Variants in SAG observed in about 807,000 individuals in gnomAD.
The protein encoded by SAG is S-antigen visual arrestin.
A neutral mutation model predicts 55.0 loss-of-function variants in SAG; 45 were observed. The observed-to-expected ratio is 0.82, with a 90% CI of 0.64 to 1.05. The LOEUF (loss-of-function observed/expected upper bound fraction) is 1.05, where lower values mean the gene tolerates loss of function less well. SAG is among the 50% of genes least tolerant of loss of function. The probability of loss-of-function intolerance (pLI) is 0.00; values close to 1 mark genes in which losing one functional copy is unlikely to be tolerated. For synonymous variants in SAG, 189 were observed against 197.4 expected, an observed-to-expected ratio of 0.96 and a Z score of 0.36; for missense variants, 455 against 512.1, an observed-to-expected ratio of 0.89 and a Z score of 1.08.
chr2:233,329,470 G>T, intron 8 of SAG, 23 bp from the exon 9 acceptor site: 1 of 1,487,052 alleles, frequency 6.7e-7, no homozygotes, highest in South Asian at 1.1e-5. Context: ...CTCTTCTTCT[G>T]ACCTATCTGC....
At chr2:233,323,495 C>A (rs781103731) in intron 6 of SAG, among the ~76,000 whole-genome samples, 4 of 151,976 alleles carry the variant, frequency 2.6e-5, no homozygotes, top group Non-Finnish European at 5.9e-5. Context: ...TCCCGAGTAG[C>A]TGGGATTACA....
In SAG at chr2:233,340,771, T is replaced by G. The variant is rs74640936; in HGVS notation, c.1046+293T>G. Among the ~76,000 whole-genome samples, 11 of 143,490 alleles carry G rather than the reference T, an allele frequency of 7.7e-5. No homozygotes were observed. The highest frequency in any genetic ancestry group is 1.5e-4 in the Non-Finnish European group (10 of 65,806). 94.1% of individuals were successfully genotyped at this position (143,490 alleles called of 152,430 possible). Reference sequence around the variant, plus strand: ...CCAGCTTGTGTGTGTGTGTGTGTGTTTGTGTGCGGTAAAATACACATAACA... The same window carrying G: ...CCAGCTTGTGTGTGTGTGTGTGTGTGTGTGTGCGGTAAAATACACATAACA... On this transcript the variant is annotated intron_variant, in intron 13 of 15. Transcript: ENST00000409110. This position sits in a 1 kb window ranked among gnomAD's most constrained non-coding sequence, Gnocchi z 4.2.
Position 233,319,259 on chromosome 2 carries a change from C to A in SAG, c.181+464C>A, listed in dbSNP as rs1307670812. ...TGGGGCTGACAGGCAAAATTCTCAA[C>A]CAACACCAAAAAGGGGGAAATGATG... On this transcript the variant is annotated intron_variant, in intron 4 of 15. Coordinates refer to ENST00000409110, the MANE Select transcript of SAG (RefSeq NM_000541.5). The surrounding 1 kb of genome is among the most constrained non-coding windows in gnomAD (Gnocchi z 4.4). Among the ~76,000 whole-genome samples the A allele has an allele frequency of 2.4e-4, 34 of 144,466 alleles. No individual in the cohort carries two copies. The Admixed American group carries it at 2.4e-3, about 10-fold the overall frequency. 94.8% of individuals were successfully genotyped at this position (144,466 alleles called of 152,430 possible). A position where few individuals can be genotyped will look rare whatever the true frequency, so the allele number is the denominator to read the frequency against.
chr2:233,341,472 G>A (rs1701100934), intron 13 of SAG, among the ~76,000 whole-genome samples: 1 of 152,224 alleles, frequency 6.6e-6, no homozygotes, highest in South Asian at 2.1e-4. Flanking sequence ...TAAACAAAAT[G>A]TGGTATATCC....
rs5839476 is a variant in SAG, at chr2:233,315,281, C to CTT, written c.76-766_76-765dup. Among the ~76,000 whole-genome samples the CTT allele has an allele frequency of 6.1e-3, 423 of 69,384 alleles. 59 individuals are homozygous for CTT. The highest frequency in any genetic ancestry group is 0.014 in the African/African-American group (314 of 21,748). 45.5% of individuals were successfully genotyped at this position (69,384 alleles called of 152,430 possible). On this transcript the variant is annotated intron_variant, in intron 2 of 15. Transcript: ENST00000409110. Reference sequence around the variant, plus strand: ...CACCTCTTTGCGTTGTCCAGAAGTTCTTTTTTTTTTTTTTTTTTTTTTTTT... The same window carrying CTT: ...CACCTCTTTGCGTTGTCCAGAAGTTCTTTTTTTTTTTTTTTTTTTTTTTTTTT...
At position 233,319,826 on chromosome 2, in the gene SAG, G is replaced by T. The variant is rs1700325868; in HGVS notation, c.182-804G>T. The T allele has an allele frequency of 1.0e-6, 1 of 985,640 alleles. No individual in the cohort carries two copies. The highest frequency in any genetic ancestry group is 1.7e-5 in the African/African-American group (1 of 57,232). 61.1% of individuals were successfully genotyped at this position (985,640 alleles called of 1,614,324 possible). On this transcript the variant is annotated intron_variant, in intron 4 of 15. Transcript: ENST00000409110. This position sits in a 1 kb window ranked among gnomAD's most constrained non-coding sequence, Gnocchi z 4.4. ...AGCTTGAATGAGGGGCGAGTGAGTGGCCACTGTTTCTTCTGAGTCAGCAGC... is the reference window on the plus strand; with the variant it reads ...AGCTTGAATGAGGGGCGAGTGAGTGTCCACTGTTTCTTCTGAGTCAGCAGC...
At chr2:233,342,667 A>C (rs1701138319) in intron 14 of SAG, 3 of 242,410 alleles carry the variant, frequency 1.2e-5, no homozygotes, top group Non-Finnish European at 2.4e-5. Flanking sequence ...TTAGGTAAAA[A>C]CTTAATTTTA....
chr2:233,312,520 C>G (rs919523744), intron 2 of SAG, among the ~76,000 whole-genome samples: 3 of 152,202 alleles, frequency 2.0e-5, no homozygotes, highest in Non-Finnish European at 4.4e-5. Flanking sequence ...TTAATTCTTC[C>G]AAAAGCTATT....
rs760348201 is a variant in SAG at position 233,340,405 on chromosome 2, C to T, written c.1023-50C>T. The T allele has an allele frequency of 2.2e-5, 35 of 1,567,026 alleles. No individual in the cohort carries two copies. In the East Asian group the frequency reaches 5.0e-4, roughly 22 times the overall value. ...CTGCCTCTGAATCATGGGAAAGGGT[C>T]GTGTTACCACTGTGACAGTTAACGA... On this transcript the variant is annotated intron_variant, in intron 12 of 15. Coordinates refer to ENST00000409110, the MANE Select transcript of SAG (RefSeq NM_000541.5). The surrounding 1 kb of genome is among the most constrained non-coding windows in gnomAD (Gnocchi z 4.2).
At chr2:233,324,878 T>C (rs1700500757) in intron 6 of SAG, among the ~76,000 whole-genome samples, 1 of 152,028 alleles carries the variant, frequency 6.6e-6, no homozygotes, top group Non-Finnish European at 1.5e-5. Flanking sequence ...CCGTTAGTGG[T>C]TCGTGAAATC....
intron 1 of SAG, 126 bp from the exon 2 acceptor site, chr2:233,309,036 G>A (rs191558673): frequency 1.2e-5 from 7 of 586,876 alleles, no homozygotes; most frequent in African/African-American, 9.3e-5. Context: ...GTTGAAGCCG[G>A]TACAAGGGCA....
chr2:233,312,671 A>G (rs1700106553), intron 2 of SAG, among the ~76,000 whole-genome samples: 1 of 152,146 alleles, frequency 6.6e-6, no homozygotes, highest in East Asian at 1.9e-4. Flanking sequence ...ATTCAGTGGC[A>G]TGGTGAAGCC....
chr2:233,346,151 AAATAAAATAAAAT>A (rs1701247818), intron 14 of SAG: 2 of 142,264 alleles, frequency 1.4e-5, no homozygotes, highest in Non-Finnish European at 3.1e-5. Flanking sequence ...AGACAGTCTC[AAATAAAATAAAAT>A]AATAAAATAA....
Position 233,316,063 on chromosome 2 carries a change from T to A in SAG, c.76-12T>A. ...TCTTTGGCCCTTAGACCCACACCTGTTCTTCTTGCAGGTGACCATCTACCT... is the reference window on the plus strand; with the variant it reads ...TCTTTGGCCCTTAGACCCACACCTGATCTTCTTGCAGGTGACCATCTACCT... On this transcript the variant is annotated splice_polypyrimidine_tract_variant and intron_variant, in intron 2 of 15. Coordinates refer to ENST00000409110, the MANE Select transcript of SAG (RefSeq NM_000541.5). 6.4e-7 allele frequency: 1 copy of A among 1,557,688 alleles called. No individual in the cohort carries two copies. The highest frequency in any genetic ancestry group is 1.2e-5 in the South Asian group (1 of 86,474).
chr2:233,325,458 C>CAT (rs3085259), intron 6 of SAG, among the ~76,000 whole-genome samples: 111,322 of 151,692 alleles, frequency 0.73, 41,310 homozygotes, highest in African/African-American at 0.84. Flanking sequence ...AGTTGTTGCA[C>CAT]GTTTGTGTCT....
intron 11 of SAG, among the ~76,000 whole-genome samples, chr2:233,336,526 A>T (rs1454031077): frequency 6.6e-6 from 1 of 151,958 alleles, no homozygotes; most frequent in Non-Finnish European, 1.5e-5. Context: ...AAAAAAAAAA[A>T]AACCAACCAA....
At chr2:233,324,494 T>G (rs919229416) in intron 6 of SAG, among the ~76,000 whole-genome samples, 1 of 152,158 alleles carries the variant, frequency 6.6e-6, no homozygotes, top group Non-Finnish European at 1.5e-5. Flanking sequence ...TTGTAGAGAC[T>G]TGAGTTTTTG....
chr2:233,323,130 C>A, intron 6 of SAG, 125 bp downstream of exon 6: 1 of 684,084 alleles, frequency 1.5e-6, no homozygotes, highest in Admixed American at 2.7e-5. Context: ...GTGATCTTGG[C>A]TCACTGCAAC....
At chr2:233,330,467 CCCTCCCTCCCTTCCTT>C (rs1286034653) in intron 9 of SAG, among the ~76,000 whole-genome samples, 2 of 96,944 alleles carry the variant, frequency 2.1e-5, no homozygotes, top group African/African-American at 4.0e-5. Flanking sequence ...CTAGACTTTT[CCCTCCCTCCCTTCCTT>C]CCTTCCTTCC....
Sources: gnomAD v4.1 joint callset for allele counts (sites outside exome capture counted in the v4.1 genomes callset) on GRCh38, gnomAD v4.1.1 for gene constraint, Gnocchi (gnomAD v3.1) non-coding constraint, MANE v1.5 for transcripts, NCBI Gene and HGNC (gene_info 2026-07-23, HGNC 2026-07-21) for gene names.